DHDDS: variants seen among roughly 807,000 people sequenced by gnomAD.
DHDDS encodes the protein dehydrodolichyl diphosphate synthase subunit.
In DHDDS, 16 loss-of-function variants were observed where a neutral mutation model predicts 46.2. The observed-to-expected ratio is 0.35, with a 90% confidence interval of 0.23 to 0.53. The LOEUF (loss-of-function observed/expected upper bound fraction) is 0.53. Ranked by LOEUF, DHDDS falls within the 20% of genes least tolerant of loss-of-function variation. DHDDS has a pLI of 0.94. For missense variants in DHDDS, 340 were observed against 423.7 expected (o/e 0.80, Z 1.73); for synonymous variants, 151 against 163.1 (o/e 0.93, Z 0.56).
At chr1:26,451,394 A>G (rs1429370487) in intron 6 of DHDDS, among the ~76,000 whole-genome samples, 1 of 142,162 alleles carries the variant, frequency 7.0e-6, no homozygotes, top group Non-Finnish European at 1.5e-5. Flanking sequence ...CTTCCAGGGT[A>G]TGTATGTAGA....
chr1:26,466,287 T>C (rs2075485445), intron 8 of DHDDS: 1 of 152,208 alleles, frequency 6.6e-6, no homozygotes, highest in Non-Finnish European at 1.5e-5. Flanking sequence ...AGCTTGGATT[T>C]CCCAAGGGTA....
rs79698128 is a variant in DHDDS, at chr1:26,450,287, C to T, written c.542+2627C>T. Among the ~76,000 whole-genome samples, 1,023 of 152,294 alleles carry T rather than the reference C, an allele frequency of 6.7e-3. 6 individuals are homozygous for T. Among genetic ancestry groups the T allele is most frequent in the African/African-American group, 0.023 (936 of 41,560 alleles). Reference sequence around the variant, plus strand: ...CCTCTCAAGTACCCAGTACTACAGACGTGCACCACCTACCCAGCTAACTTT... The same window carrying T: ...CCTCTCAAGTACCCAGTACTACAGATGTGCACCACCTACCCAGCTAACTTT... On this transcript the variant is annotated intron_variant, in intron 6 of 8. Coordinates refer to ENST00000236342, the MANE Select transcript of DHDDS (RefSeq NM_205861.3).
chr1:26,450,630 G>T (rs2075310684), intron 6 of DHDDS, among the ~76,000 whole-genome samples: 1 of 152,158 alleles, frequency 6.6e-6, no homozygotes, highest in Non-Finnish European at 1.5e-5. Flanking sequence ...GGTGCAAGTT[G>T]GGAAGGGGTA....
chr1:26,454,732 T>C, intron 6 of DHDDS: 1 of 1,589,014 alleles, frequency 6.3e-7, no homozygotes, highest in Non-Finnish European at 8.5e-7. Flanking sequence ...TCTGTTCCTT[T>C]TCAGTAAGGA....
At chr1:26,446,235 TG>T in intron 4 of DHDDS, 80 bp from the exon 5 acceptor site, 2 of 1,236,266 alleles carry the variant, frequency 1.6e-6, no homozygotes, top group Non-Finnish European at 2.4e-6. Flanking sequence ...AAAAAACTGG[TG>T]GTCAGTTATT....
rs528688029 is a variant in DHDDS at position 26,451,599 on chromosome 1, G to A, written c.542+3939G>A. On this transcript the variant is annotated intron_variant, in intron 6 of 8. Coordinates refer to ENST00000236342, the MANE Select transcript of DHDDS (RefSeq NM_205861.3). ...GCCTCCTGAGTAGCCAGGATTATAGGTGCACACCACCACACCCGGCTATTT... is the reference window on the plus strand; with the variant it reads ...GCCTCCTGAGTAGCCAGGATTATAGATGCACACCACCACACCCGGCTATTT... Among the ~76,000 whole-genome samples, 3 of 151,260 alleles carry A rather than the reference G, an allele frequency of 2.0e-5. No individual in the cohort carries two copies. In the East Asian group the frequency reaches 5.8e-4, roughly 29 times the overall value.
At chr1:26,449,995 G>C (rs1266556423) in intron 6 of DHDDS, among the ~76,000 whole-genome samples, 5 of 152,204 alleles carry the variant, frequency 3.3e-5, no homozygotes, top group African/African-American at 1.2e-4. Context: ...CAGGTCAACA[G>C]TTCAGCGAGG....
intron 5 of DHDDS, among the ~76,000 whole-genome samples, chr1:26,447,172 T>C (rs960795389): frequency 2.0e-5 from 3 of 151,952 alleles, no homozygotes; most frequent in African/African-American, 7.2e-5. Context: ...ATACAAAAAT[T>C]AGCCAGGTGT....
At chr1:26,438,443 G>T in intron 3 of DHDDS, 159 bp downstream of exon 3, 1 of 710,494 alleles carries the variant, frequency 1.4e-6, no homozygotes, top group East Asian at 2.9e-5. Flanking sequence ...TCTTGACATT[G>T]GCCAGACGTG....
intron 2 of DHDDS, 54 bp downstream of exon 2, chr1:26,433,062 T>C (rs139797811): frequency 1.3e-6 from 2 of 1,577,494 alleles, no homozygotes; most frequent in Non-Finnish European, 1.7e-6. Context: ...GATAATCTTA[T>C]ATAAAAACCT....
chr1:26,464,086 G>A (rs1293635066), intron 8 of DHDDS, among the ~76,000 whole-genome samples: 9 of 138,868 alleles, frequency 6.5e-5, no homozygotes, highest in African/African-American at 1.6e-4. Context: ...TCTGCCTCCC[G>A]GATTCAAGCA....
At chr1:26,449,310 A>C (rs773306885) in intron 6 of DHDDS, among the ~76,000 whole-genome samples, 9 of 151,850 alleles carry the variant, frequency 5.9e-5, no homozygotes, top group Non-Finnish European at 1.0e-4. Flanking sequence ...CATGTTGGCG[A>C]GGCTGGTCTT....
At chr1:26,442,655 C>T in intron 3 of DHDDS, 76 bp from the exon 4 acceptor site, 1 of 1,584,398 alleles carries the variant, frequency 6.3e-7, no homozygotes. Context: ...AACTCTGAGT[C>T]AGGACCAAAA....
chr1:26,466,664 G>A (rs879673938), intron 8 of DHDDS, among the ~76,000 whole-genome samples: 10 of 152,218 alleles, frequency 6.6e-5, no homozygotes, highest in South Asian at 6.2e-4. Flanking sequence ...AGAAGCTTGC[G>A]CCTCATGAAG....
chr1:26,462,650 T>G (rs2075436167), intron 8 of DHDDS: 2 of 152,180 alleles, frequency 1.3e-5, no homozygotes, highest in Admixed American at 6.5e-5. Flanking sequence ...GCTTGGTGCA[T>G]GAGTTTTTGT....
At chr1:26,453,149 C>T (rs925691945) in intron 6 of DHDDS, among the ~76,000 whole-genome samples, 1 of 151,984 alleles carries the variant, frequency 6.6e-6, no homozygotes, top group African/African-American at 2.4e-5. Context: ...ATATTTATAA[C>T]ACATGAAATC....
In DHDDS at chr1:26,447,619, A is replaced by G. The variant is rs2075281779; in HGVS notation, c.501A>G (p.Arg167=). ...GTCATGAGATCAGCAATGCTGTGAG[A>G]GAGATGGCCTGGGGGGTGGAGCAAG... ...TSRHEISNAV[R]EMAWGVEQGL... is the part of the protein sequence containing the mutation. Residue 167 remains arginine (R), a synonymous_variant, in exon 6 of 9, where the codon AGA becomes AGG. Coordinates refer to ENST00000236342, the MANE Select transcript of DHDDS (RefSeq NM_205861.3). 1 of 1,614,026 alleles carries G rather than the reference A, an allele frequency of 6.2e-7. No individual in the cohort carries two copies. The highest frequency in any genetic ancestry group is 1.7e-5 in the Admixed American group (1 of 59,996).
intron 3 of DHDDS, chr1:26,438,805 T>C (rs1377420950): frequency 6.2e-6 from 1 of 162,178 alleles, no homozygotes; most frequent in Non-Finnish European, 1.4e-5. Context: ...CAAAATTGCC[T>C]CTTCTTATTT....
intron 8 of DHDDS, 117 bp downstream of exon 8, chr1:26,460,261 T>C (rs2075409439): frequency 1.2e-6 from 1 of 843,104 alleles, no homozygotes; most frequent in Non-Finnish European, 2.0e-6. Context: ...ATAATGATGA[T>C]AGTAGCTACC....
Sources: gnomAD v4.1 joint callset for allele counts (sites outside exome capture counted in the v4.1 genomes callset) on GRCh38, gnomAD v4.1.1 for gene constraint, MANE v1.5 for transcripts, NCBI Gene and HGNC (gene_info 2026-07-23, HGNC 2026-07-21) for gene names.